Variants in CHKA observed in about 807,000 individuals in gnomAD.
The protein encoded by CHKA is CHETK-alpha.
Under a neutral mutation model 60.1 loss-of-function variants are expected in CHKA, and 34 were observed. That is an observed-to-expected ratio of 0.57 (90% CI 0.43 to 0.75). CHKA has a LOEUF of 0.75. CHKA is among the 30% of genes least tolerant of loss of function. The pLI is 0.00. For synonymous variants in CHKA, 217 were observed against 223.1 expected (o/e 0.97, Z 0.24); for missense variants, 563 against 561.3 (o/e 1.00, Z -0.03).
intron 2 of CHKA, among the ~76,000 whole-genome samples, chr11:68,093,355 T>G (rs530341639): frequency 1.3e-5 from 2 of 152,268 alleles, no homozygotes; most frequent in South Asian, 4.1e-4. Flanking sequence ...CTTACATCAG[T>G]AGATATAGCT....
intron 11 of CHKA, among the ~76,000 whole-genome samples, chr11:68,056,953 C>CT (rs771240535): frequency 1.3e-5 from 2 of 152,172 alleles, no homozygotes; most frequent in Non-Finnish European, 2.9e-5. Flanking sequence ...CAATATATGG[C>CT]TAGTTGGTCA....
intron 1 of CHKA, among the ~76,000 whole-genome samples, chr11:68,115,509 C>T (rs1858350579): frequency 6.6e-6 from 1 of 152,126 alleles, no homozygotes; most frequent in South Asian, 2.1e-4. Flanking sequence ...TATATGGGAA[C>T]TCTCTGTACT....
chr11:68,053,370 A>T lies in CHKA; in HGVS notation c.*618T>A, dbSNP rs1304565616. The T allele has an allele frequency of 6.6e-6, 1 of 152,636 alleles. No homozygotes were observed. The highest frequency in any genetic ancestry group is 6.5e-5 in the Admixed American group (1 of 15,292). 9.5% of individuals were successfully genotyped at this position (152,636 alleles called of 1,614,324 possible). On this transcript the variant is annotated 3_prime_UTR_variant, in exon 12 of 12. Coordinates refer to ENST00000265689, the MANE Select transcript of CHKA (RefSeq NM_001277.3). Reference sequence around the variant, plus strand: ...TCACACACGCCCAGCAGGAGGGGAGAGCTCTGCTCCACACGCTGGCGGCCT... The same window carrying T: ...TCACACACGCCCAGCAGGAGGGGAGTGCTCTGCTCCACACGCTGGCGGCCT...
At chr11:68,113,125 A>G (rs35141094) in intron 1 of CHKA, among the ~76,000 whole-genome samples, 2 of 127,026 alleles carry the variant, frequency 1.6e-5, no homozygotes, top group South Asian at 2.7e-4. Flanking sequence ...CTGTGGCAGG[A>G]AAAAAAAAAA....
At chr11:68,112,386 T>C (rs1858189478) in intron 1 of CHKA, among the ~76,000 whole-genome samples, 1 of 152,084 alleles carries the variant, frequency 6.6e-6, no homozygotes, top group Admixed American at 6.5e-5. Context: ...GCCTCCTGAG[T>C]AGCTGGCATT....
chr11:68,053,215 C>A lies in CHKA; in HGVS notation c.*773G>T. ...AAGAGCTAGGTCAAGCAGCTGGCTC[C>A]CCTGGGAGGGGAGCCGGGAGACAGG... On this transcript the variant is annotated 3_prime_UTR_variant, in exon 12 of 12. Coordinates refer to ENST00000265689, the MANE Select transcript of CHKA (RefSeq NM_001277.3). 6.5e-6 allele frequency: 1 copy of A among 153,242 alleles called. No individual in the cohort carries two copies. The highest frequency in any genetic ancestry group is 1.9e-4 in the East Asian group (1 of 5,284). The allele number at this position is 153,242 out of a possible 1,614,324, so 9.5% of individuals were successfully genotyped here.
intron 10 of CHKA, among the ~76,000 whole-genome samples, chr11:68,062,244 C>T (rs888792981): frequency 6.6e-6 from 1 of 152,220 alleles, no homozygotes; most frequent in African/African-American, 2.4e-5. Flanking sequence ...GTGACAGGTG[C>T]ACTGGTGAGT....
At chr11:68,072,175 C>A (rs1231844012) in intron 4 of CHKA, among the ~76,000 whole-genome samples, 3 of 152,182 alleles carry the variant, frequency 2.0e-5, no homozygotes, top group Non-Finnish European at 4.4e-5. Flanking sequence ...TCCCTAGTGG[C>A]CCGGCTATTC....
At chr11:68,086,846 C>T (rs1297169972) in intron 2 of CHKA, among the ~76,000 whole-genome samples, 1 of 152,092 alleles carries the variant, frequency 6.6e-6, no homozygotes, top group Non-Finnish European at 1.5e-5. Flanking sequence ...AATTGCCTGG[C>T]GCGGTGGCGG....
At chr11:68,054,253 C>A (rs930297459) in intron 11 of CHKA, among the ~76,000 whole-genome samples, 3 of 152,216 alleles carry the variant, frequency 2.0e-5, no homozygotes, top group Non-Finnish European at 4.4e-5. Context: ...CCACCCCACA[C>A]ACCTTCATTC....
chr11:68,120,936 T>A lies in CHKA; in HGVS notation c.242A>T (p.Glu81Val). ...QPPPPQPPAD[E>V]QPEPRTRRRA... ...GCGCCGCGTCCGGGGCTCCGGCTGC[T>A]CGTCTGCGGGCGGCTGCGGCGGCGG... is the stretch of plus-strand genomic sequence containing the variant. Residue 81 changes from glutamate (E) to valine (V), a missense_variant, in exon 1 of 12, where the codon GAG (glutamate) becomes GTG (valine). Physicochemically the swap from Glu to Val is moderately radical, Grantham distance 121 (BLOSUM62 -2). Transcript: ENST00000265689. The A allele has an allele frequency of 8.4e-7, 1 of 1,192,360 alleles. No individual in the cohort carries two copies. Among genetic ancestry groups the A allele is most frequent in the Non-Finnish European group, 1.0e-6 (1 of 955,522 alleles). The allele number at this position is 1,192,360 out of a possible 1,614,324, so 73.9% of individuals were successfully genotyped here.
At chr11:68,067,162 C>A (rs778841367) in intron 7 of CHKA, among the ~76,000 whole-genome samples, 2 of 152,238 alleles carry the variant, frequency 1.3e-5, no homozygotes, top group Non-Finnish European at 2.9e-5. Flanking sequence ...ACATGATGTT[C>A]AGCATCTCCG....
chr11:68,119,278 A>T (rs1858513318), intron 1 of CHKA, among the ~76,000 whole-genome samples: 1 of 152,196 alleles, frequency 6.6e-6, no homozygotes, highest in Non-Finnish European at 1.5e-5. Flanking sequence ...TGAAGCACAA[A>T]GAGGAAGTGA....
intron 3 of CHKA, among the ~76,000 whole-genome samples, chr11:68,079,360 C>T (rs1590851554): frequency 6.8e-6 from 1 of 147,682 alleles, no homozygotes. Context: ...GTCGGAGTTT[C>T]GCACTGTCGC....
chr11:68,109,238 C>T (rs1429150591), intron 1 of CHKA, among the ~76,000 whole-genome samples: 2 of 151,758 alleles, frequency 1.3e-5, no homozygotes, highest in African/African-American at 2.4e-5. Flanking sequence ...TACAGGCGCC[C>T]GCCACCACAC....
intron 7 of CHKA, among the ~76,000 whole-genome samples, chr11:68,067,469 C>T (rs1856482478): frequency 6.6e-6 from 1 of 151,944 alleles, no homozygotes; most frequent in Non-Finnish European, 1.5e-5. Flanking sequence ...GTGGTGTGCG[C>T]CTGTGATCCC....
At chr11:68,083,969 C>G (rs2512613) in intron 2 of CHKA, among the ~76,000 whole-genome samples, 96,044 of 151,418 alleles carry the variant, frequency 0.63, 30,476 homozygotes, top group Middle Eastern at 0.75. Context: ...TTGGGGCCGG[C>G]GGGGGTGGCC....
intron 11 of CHKA, 110 bp downstream of exon 11, chr11:68,061,843 G>C (rs948855851): frequency 1.2e-6 from 1 of 823,438 alleles, no homozygotes; most frequent in Non-Finnish European, 2.0e-6. Flanking sequence ...TGGGGAGACA[G>C]AGAACCCTCT....
chr11:68,083,159 T>C (rs1273476195), intron 2 of CHKA, among the ~76,000 whole-genome samples: 1 of 152,206 alleles, frequency 6.6e-6, no homozygotes, highest in Non-Finnish European at 1.5e-5. Flanking sequence ...CGATGCCCAC[T>C]ACACTTTTTA....
Sources: gnomAD v4.1 joint callset for allele counts (sites outside exome capture counted in the v4.1 genomes callset) on GRCh38, gnomAD v4.1.1 for gene constraint, MANE v1.5 for transcripts, NCBI Gene and HGNC (gene_info 2026-07-23, HGNC 2026-07-21) for gene names.